Variants in IL1RAPL1 observed in about 807,000 individuals in gnomAD.
IL1RAPL1 encodes the protein interleukin-1 receptor accessory protein-like 1.
A neutral mutation model predicts 48.4 loss-of-function variants in IL1RAPL1; 3 were observed. The observed-to-expected ratio is 0.06, with a 90% CI of 0.03 to 0.16. The LOEUF (loss-of-function observed/expected upper bound fraction) is 0.16, where lower values mean the gene tolerates loss of function less well. Ranked by LOEUF, IL1RAPL1 falls within the 10% of genes least tolerant of loss-of-function variation. The probability of loss-of-function intolerance (pLI) is 1.00; values close to 1 mark genes in which losing one functional copy is unlikely to be tolerated. For missense variants in IL1RAPL1, 349 were observed against 530.6 expected (o/e 0.66, Z 3.36); for synonymous variants, 185 against 187.7 (o/e 0.99, Z 0.12).
At chrX:29,081,000 C>CTT (rs1927813183) in intron 2 of IL1RAPL1, among the ~76,000 whole-genome samples, 2 of 52,519 alleles carry the variant, frequency 3.8e-5, no homozygotes, top group South Asian at 2.2e-3. Context: ...TTCTTTCTCT[C>CTT]TCTCTCTCTC....
intron 5 of IL1RAPL1, among the ~76,000 whole-genome samples, chrX:29,473,578 A>G (rs1200858487): frequency 9.5e-6 from 1 of 104,791 alleles, no homozygotes; most frequent in Non-Finnish European, 2.0e-5. Flanking sequence ...TCTTAATTCC[A>G]TCTCACTGCC....
chrX:29,203,711 C>A (rs1930603189), intron 2 of IL1RAPL1, among the ~76,000 whole-genome samples: 1 of 90,462 alleles, frequency 1.1e-5, no homozygotes, highest in African/African-American at 4.8e-5. Flanking sequence ...AAGAGCAAAA[C>A]TCCGTCTCAA....
chrX:29,803,338 T>TATGTATATATGTATACATATACACAC (rs1930126529), intron 6 of IL1RAPL1, among the ~76,000 whole-genome samples: 1 of 59,386 alleles, frequency 1.7e-5, no homozygotes, highest in Non-Finnish European at 2.9e-5. Context: ...TGTATACACA[T>TATGTATATATGTATACATATACACAC]ATGTATATAT....
At chrX:29,270,122 A>G (rs1479999352) in intron 2 of IL1RAPL1, among the ~76,000 whole-genome samples, 1 of 112,080 alleles carries the variant, frequency 8.9e-6, no homozygotes, top group East Asian at 2.8e-4. Context: ...ATTTAATTAT[A>G]TGACTACATT....
At chrX:28,702,507 T>C (rs1482488253) in intron 1 of IL1RAPL1, among the ~76,000 whole-genome samples, 2 of 111,895 alleles carry the variant, frequency 1.8e-5, no homozygotes, top group Middle Eastern at 4.7e-3. Flanking sequence ...AGGAAGAAAC[T>C]CCAATACATC....
intron 2 of IL1RAPL1, among the ~76,000 whole-genome samples, chrX:28,900,415 T>A (rs1247925774): frequency 8.9e-6 from 1 of 111,800 alleles, no homozygotes; most frequent in Non-Finnish European, 1.9e-5. Flanking sequence ...AAGGCTAAGA[T>A]GGTTACTCTA....
intron 2 of IL1RAPL1, among the ~76,000 whole-genome samples, chrX:29,150,486 G>T (rs1481658510): frequency 9.0e-6 from 1 of 111,384 alleles, no homozygotes; most frequent in African/African-American, 3.3e-5. Flanking sequence ...AGGCCAAGAT[G>T]GGGACAAGGG....
chrX:28,972,315 T>A (rs1363061904), intron 2 of IL1RAPL1, among the ~76,000 whole-genome samples: 1 of 112,013 alleles, frequency 8.9e-6, no homozygotes, highest in African/African-American at 3.2e-5. Flanking sequence ...TATCTCCAAC[T>A]CCCAAACTGA....
intron 6 of IL1RAPL1, among the ~76,000 whole-genome samples, chrX:29,711,194 T>C (rs1174617681): frequency 3.8e-5 from 4 of 105,923 alleles, no homozygotes; most frequent in South Asian, 4.3e-4. Context: ...CTTTTCTTTT[T>C]TTTTTTGAGA....
At chrX:28,662,432 G>T (rs898147781) in intron 1 of IL1RAPL1, among the ~76,000 whole-genome samples, 19 of 111,732 alleles carry the variant, frequency 1.7e-4, no homozygotes, top group Non-Finnish European at 3.4e-4. Flanking sequence ...GTAGTGGCTA[G>T]GGAGCAGAAG....
intron 2 of IL1RAPL1, among the ~76,000 whole-genome samples, chrX:28,951,441 A>G (rs1924463809): frequency 9.3e-6 from 1 of 107,461 alleles, no homozygotes; most frequent in Non-Finnish European, 1.9e-5. Flanking sequence ...ATTGTCAACT[A>G]CACTTTTACA....
intron 1 of IL1RAPL1, among the ~76,000 whole-genome samples, chrX:28,640,317 A>T (rs1201608379): frequency 2.7e-5 from 3 of 111,076 alleles, no homozygotes; most frequent in Admixed American, 9.6e-5. Context: ...TGGTGTATAT[A>T]GTTTCCTATG....
intron 2 of IL1RAPL1, among the ~76,000 whole-genome samples, chrX:29,023,991 C>A (rs750599575): frequency 9.0e-6 from 1 of 111,645 alleles, no homozygotes; most frequent in Non-Finnish European, 1.9e-5. Flanking sequence ...GGCTGAATAA[C>A]CAAATAACAA....
intron 5 of IL1RAPL1, among the ~76,000 whole-genome samples, chrX:29,481,748 A>C (rs1602256630): frequency 8.9e-6 from 1 of 112,271 alleles, no homozygotes; most frequent in African/African-American, 3.2e-5. Flanking sequence ...CCCTGATGTG[A>C]GAAGTCTACT....
chrX:29,579,004 G>A (rs1472568405), intron 5 of IL1RAPL1, among the ~76,000 whole-genome samples: 2 of 111,540 alleles, frequency 1.8e-5, no homozygotes, highest in Non-Finnish European at 3.8e-5. Context: ...ATTTCAGGAT[G>A]GACTGGCTGA....
intron 2 of IL1RAPL1, among the ~76,000 whole-genome samples, chrX:28,962,827 G>T (rs1601980193): frequency 9.1e-6 from 1 of 109,291 alleles, no homozygotes; most frequent in African/African-American, 3.3e-5. Flanking sequence ...TCCGTGGGGG[G>T]GGTCCTGGAA....
chrX:28,936,808 A>G (rs1397151427), intron 2 of IL1RAPL1, among the ~76,000 whole-genome samples: 2 of 111,021 alleles, frequency 1.8e-5, no homozygotes, highest in Non-Finnish European at 3.8e-5. Context: ...TATATGATTA[A>G]TGACATGATA....
chrX:28,959,865 CA>C (rs1367500476), intron 2 of IL1RAPL1, among the ~76,000 whole-genome samples: 2 of 111,918 alleles, frequency 1.8e-5, no homozygotes, highest in African/African-American at 6.5e-5. Context: ...TCAACCATTG[CA>C]GTCTCATTTC....
At chrX:29,130,415 A>G (rs1602071089) in intron 2 of IL1RAPL1, among the ~76,000 whole-genome samples, 1 of 112,264 alleles carries the variant, frequency 8.9e-6, no homozygotes, top group East Asian at 2.8e-4. Context: ...TAATAAGTCA[A>G]GACATTTTAA....
Sources: allele counts gnomAD v4.1 joint callset (sites outside exome capture counted in the v4.1 genomes callset), GRCh38; gene constraint gnomAD v4.1.1; transcripts MANE v1.5; gene names NCBI Gene and HGNC (gene_info 2026-07-23, HGNC 2026-07-21).